SH3BGRL2: variants seen among roughly 807,000 people sequenced by gnomAD.
SH3BGRL2 encodes SH3 domain-binding glutamic acid-rich-like protein 2.
In SH3BGRL2, 21 loss-of-function variants were observed where a neutral mutation model predicts 14.8. The observed-to-expected ratio is 1.42, with a 90% confidence interval of 1.01 to 2.05. The LOEUF is 2.05. Among genes scored for constraint, SH3BGRL2 ranks in the 30% most tolerant of loss-of-function variants. The probability of loss-of-function intolerance (pLI) is 0.00; values close to 1 mark genes in which losing one functional copy is unlikely to be tolerated. For synonymous variants in SH3BGRL2, 50 were observed against 47.8 expected (o/e 1.05, Z -0.19); for missense variants, 147 against 130.8 (o/e 1.12, Z -0.61).
chr6:79,542,920 A>T, the SH3BGRL2 span, among the ~76,000 whole-genome samples: 1 of 152,206 alleles, frequency 6.6e-6, no homozygotes, highest in African/African-American at 2.4e-5. Context: ...ACTTCTTACC[A>T]TCTTACAGAG....
chr6:79,640,180 G>A (rs1331904712), intron 1 of SH3BGRL2, among the ~76,000 whole-genome samples: 2 of 152,158 alleles, frequency 1.3e-5, no homozygotes, highest in African/African-American at 4.8e-5. Flanking sequence ...GCCTGTACCA[G>A]CTAGAAACTG....
intron 1 of SH3BGRL2, among the ~76,000 whole-genome samples, chr6:79,664,757 C>T (rs1017010682): frequency 7.2e-5 from 11 of 152,084 alleles, no homozygotes; most frequent in African/African-American, 2.7e-4. Context: ...TTCCAGGAAA[C>T]CAATGGAAAG....
At chr6:79,596,901 C>T in the SH3BGRL2 span, among the ~76,000 whole-genome samples, 2 of 152,096 alleles carry the variant, frequency 1.3e-5, no homozygotes, top group East Asian at 1.9e-4. Flanking sequence ...TACTACAATG[C>T]TGCAGTAGTC....
chr6:79,538,169 C>T, the SH3BGRL2 span, among the ~76,000 whole-genome samples: 2 of 150,470 alleles, frequency 1.3e-5, no homozygotes, highest in African/African-American at 4.9e-5. Context: ...AATCCTCTTT[C>T]GTGAGGGCTT....
chr6:79,651,148 A>G (rs1229664569), intron 1 of SH3BGRL2, among the ~76,000 whole-genome samples: 1 of 152,158 alleles, frequency 6.6e-6, no homozygotes, highest in Non-Finnish European at 1.5e-5. Flanking sequence ...GCACATTGAT[A>G]AGGACATGGC....
At chr6:79,572,603 G>C in the SH3BGRL2 span, among the ~76,000 whole-genome samples, 345 of 152,128 alleles carry the variant, frequency 2.3e-3, 7 homozygotes, top group East Asian at 0.048. Flanking sequence ...GGAGCTGGGA[G>C]TACAGGCGCC....
the SH3BGRL2 span, among the ~76,000 whole-genome samples, chr6:79,557,701 G>T: frequency 1.3e-5 from 2 of 152,152 alleles, no homozygotes; most frequent in South Asian, 4.1e-4. Flanking sequence ...TAGTGAATAC[G>T]CTTGTTAGGA....
At chr6:79,538,576 C>A in the SH3BGRL2 span, among the ~76,000 whole-genome samples, 4 of 152,212 alleles carry the variant, frequency 2.6e-5, no homozygotes, top group Non-Finnish European at 5.9e-5. Context: ...ATTCTTTAAT[C>A]TGTCTCTGCT....
At chr6:79,610,646 C>T in the SH3BGRL2 span, among the ~76,000 whole-genome samples, 1 of 152,290 alleles carries the variant, frequency 6.6e-6, no homozygotes, top group African/African-American at 2.4e-5. Flanking sequence ...GGAGACAAGT[C>T]ACTCCAAAAG....
intron 1 of SH3BGRL2, among the ~76,000 whole-genome samples, chr6:79,635,689 T>C (rs1768908842): frequency 6.6e-6 from 1 of 152,160 alleles, no homozygotes; most frequent in African/African-American, 2.4e-5. Context: ...TCCCTGGATG[T>C]TGGAGAGCAA....
chr6:79,605,522 C>A, the SH3BGRL2 span, among the ~76,000 whole-genome samples: 2 of 152,190 alleles, frequency 1.3e-5, no homozygotes, highest in African/African-American at 4.8e-5. Context: ...TATCCAAAAC[C>A]ACCTTGAATT....
the SH3BGRL2 span, among the ~76,000 whole-genome samples, chr6:79,570,412 CAA>C: frequency 6.6e-6 from 1 of 152,092 alleles, no homozygotes; most frequent in Admixed American, 6.6e-5. Flanking sequence ...GATAGGGAAT[CAA>C]AAAACAAATT....
intron 2 of SH3BGRL2, among the ~76,000 whole-genome samples, chr6:79,692,653 G>A (rs550649120): frequency 1.3e-5 from 2 of 152,314 alleles, no homozygotes; most frequent in African/African-American, 4.8e-5. Context: ...GTTTGTCAAA[G>A]ATCAGATGGT....
intron 1 of SH3BGRL2, among the ~76,000 whole-genome samples, chr6:79,638,553 T>C (rs1463455803): frequency 6.6e-6 from 1 of 152,200 alleles, no homozygotes; most frequent in African/African-American, 2.4e-5. Context: ...TGTACTCATA[T>C]ACTGCTTCCC....
Position 79,654,602 on chromosome 6 carries a change from G to A in SH3BGRL2, c.46-19012G>A, listed in dbSNP as rs558334546. Among the ~76,000 whole-genome samples, 11 of 152,228 alleles carry A rather than the reference G, an allele frequency of 7.2e-5. No homozygotes were observed. The South Asian group carries it at 8.3e-4, about 11-fold the overall frequency. ...AAAGGTGAGCTGAATTAAACCCACC[G>A]AATAAATTTATGCTTCATCTTGGTT... On this transcript the variant is annotated intron_variant, in intron 1 of 3. Coordinates refer to ENST00000369838, the MANE Select transcript of SH3BGRL2 (RefSeq NM_031469.4).
In SH3BGRL2 at chr6:79,703,517, T is replaced by A. The variant is rs1770510116; in HGVS notation, c.*4008T>A. 6.6e-6 allele frequency: 1 copy of A among 152,150 alleles called. No individual in the cohort carries two copies. Among genetic ancestry groups the A allele is most frequent in the Non-Finnish European group, 1.5e-5 (1 of 68,030 alleles). The allele number at this position is 152,150 out of a possible 1,614,324, so 9.4% of individuals were successfully genotyped here. A position where few individuals can be genotyped will look rare whatever the true frequency, so the allele number is the denominator to read the frequency against. ...CTTTCCTTTGAGGTACCGTGTGCGG[T>A]TTCCTGAACCTATCTCTATCCCTGT... On this transcript the variant is annotated 3_prime_UTR_variant, in exon 4 of 4. Coordinates refer to ENST00000369838, the MANE Select transcript of SH3BGRL2 (RefSeq NM_031469.4).
the SH3BGRL2 span, among the ~76,000 whole-genome samples, chr6:79,583,774 G>T: frequency 1.3e-5 from 2 of 152,266 alleles, no homozygotes; most frequent in African/African-American, 4.8e-5. Context: ...AGAATGTTTG[G>T]AATTTATGCA....
At chr6:79,548,386 A>G in the SH3BGRL2 span, among the ~76,000 whole-genome samples, 1 of 152,228 alleles carries the variant, frequency 6.6e-6, no homozygotes, top group Non-Finnish European at 1.5e-5. Context: ...TTTCATTATT[A>G]AACATCGACT....
chr6:79,546,595 G>GCT, the SH3BGRL2 span, among the ~76,000 whole-genome samples: 1 of 152,168 alleles, frequency 6.6e-6, no homozygotes, highest in Non-Finnish European at 1.5e-5. Flanking sequence ...AGTGGATGGG[G>GCT]CTAAGAGTAG....
Sources: gnomAD v4.1 joint callset for allele counts (sites outside exome capture counted in the v4.1 genomes callset) on GRCh38, gnomAD v4.1.1 for gene constraint, MANE v1.5 for transcripts, NCBI Gene and HGNC (gene_info 2026-07-23, HGNC 2026-07-21) for gene names.